Variants in CCDC38 observed in about 807,000 individuals in gnomAD.
The protein encoded by CCDC38 is coiled-coil domain-containing protein 38.
CCDC38 carries 69 observed loss-of-function variants against 72.8 expected under a neutral mutation model. The ratio of observed to expected loss-of-function variants is 0.95; its 90% CI spans 0.78 to 1.16. The LOEUF (loss-of-function observed/expected upper bound fraction) is 1.16, where lower values mean the gene tolerates loss of function less well. Among genes scored for constraint, CCDC38 ranks in the 50% most tolerant of loss-of-function variants. CCDC38 has a pLI of 0.00. For synonymous variants in CCDC38, 201 were observed against 213.2 expected, an observed-to-expected ratio of 0.94 and a Z score of 0.50; for missense variants, 626 against 638.9, an observed-to-expected ratio of 0.98 and a Z score of 0.22.
intron 2 of CCDC38, among the ~76,000 whole-genome samples, chr12:95,930,937 C>T (rs771891255): frequency 2.7e-5 from 4 of 150,712 alleles, no homozygotes; most frequent in Non-Finnish European, 5.9e-5. Context: ...TTATATTCTT[C>T]TCTAAGCTGC....
Position 95,917,531 on chromosome 12 carries a change from C to T in CCDC38, c.139-237G>A, listed in dbSNP as rs2080158818. On this transcript the variant is annotated intron_variant, in intron 3 of 15. Transcript: ENST00000344280. Reference sequence around the variant, plus strand: ...CAAATACAAGACTGGAAAATGTCCTCTCAGCTTCATTTTCACAATTTAGTC... The same window carrying T: ...CAAATACAAGACTGGAAAATGTCCTTTCAGCTTCATTTTCACAATTTAGTC... Among the ~76,000 whole-genome samples the T allele has an allele frequency of 2.6e-5, 4 of 152,234 alleles. No individual in the cohort carries two copies. In the South Asian group the frequency reaches 8.3e-4, roughly 32 times the overall value.
chr12:95,878,418 T>A, intron 12 of CCDC38, 72 bp from the exon 13 acceptor site: 1 of 1,442,370 alleles, frequency 6.9e-7, no homozygotes, highest in Non-Finnish European at 9.6e-7. Context: ...TCAGGAGCTT[T>A]AACACTCTAG....
intron 2 of CCDC38, among the ~76,000 whole-genome samples, chr12:95,925,024 C>T (rs534251952): frequency 0.055 from 8,102 of 147,852 alleles, 321 homozygotes; most frequent in South Asian, 0.18. Flanking sequence ...GCGATGCAGG[C>T]TCTTTTTTGG....
At chr12:95,876,864 C>T (rs1312131427) in intron 13 of CCDC38, among the ~76,000 whole-genome samples, 6 of 152,226 alleles carry the variant, frequency 3.9e-5, no homozygotes, top group African/African-American at 9.6e-5. Context: ...GTCTCACTAA[C>T]GCAAGCCTCC....
chr12:95,903,472 A>C (rs1227487406), intron 5 of CCDC38: 2 of 700,252 alleles, frequency 2.9e-6, no homozygotes, highest in Non-Finnish European at 5.2e-6. Context: ...TCCTAATCTT[A>C]GGGGGAAAGC....
At chr12:95,922,123 T>G (rs1181545689) in intron 2 of CCDC38, among the ~76,000 whole-genome samples, 6 of 151,982 alleles carry the variant, frequency 3.9e-5, no homozygotes, top group African/African-American at 1.5e-4. Flanking sequence ...GTGGCTGGGA[T>G]TATAGAAACT....
At chr12:95,871,571 C>T (rs1406418632) in intron 14 of CCDC38, among the ~76,000 whole-genome samples, 1 of 152,084 alleles carries the variant, frequency 6.6e-6, no homozygotes, top group Non-Finnish European at 1.5e-5. Flanking sequence ...GGCCATACCG[C>T]CCTCAATGCA....
chr12:95,867,145 G>A lies in CCDC38; in HGVS notation c.1623C>T (p.Asn541=), dbSNP rs138854457. The A allele has an allele frequency of 5.0e-6, 8 of 1,608,876 alleles. No homozygotes were observed. Among genetic ancestry groups the A allele is most frequent in the Non-Finnish European group, 6.8e-6 (8 of 1,177,248 alleles). Residue 541 remains asparagine (N), a synonymous_variant, in exon 16 of 16, where the codon AAC becomes AAT. Coordinates refer to ENST00000344280, the MANE Select transcript of CCDC38 (RefSeq NM_182496.3). ...LVFHSKPPSG[N]KQQLPLVNET... ...CATTGACTAAAGGTAGCTGCTGTTT[G>A]TTACCAGATGGAGGTTTTGAATGAA...
At chr12:95,921,232 C>T (rs973358046) in intron 2 of CCDC38, among the ~76,000 whole-genome samples, 1 of 152,150 alleles carries the variant, frequency 6.6e-6, no homozygotes, top group Non-Finnish European at 1.5e-5. Context: ...AAAACTTTCT[C>T]TCTCTTTATT....
intron 2 of CCDC38, among the ~76,000 whole-genome samples, chr12:95,922,161 G>A (rs1484533166): frequency 6.6e-6 from 1 of 152,182 alleles, no homozygotes; most frequent in Non-Finnish European, 1.5e-5. Flanking sequence ...TAAGTCATGA[G>A]TTAGAGAGAA....
intron 2 of CCDC38, among the ~76,000 whole-genome samples, chr12:95,925,616 T>G (rs148419896): frequency 0.055 from 8,405 of 152,146 alleles, 359 homozygotes; most frequent in South Asian, 0.19. Context: ...CCTGTCTTGT[T>G]CCAGTTTTCA....
At chr12:95,897,407 G>A (rs973725523) in intron 7 of CCDC38, among the ~76,000 whole-genome samples, 1 of 151,962 alleles carries the variant, frequency 6.6e-6, no homozygotes, top group African/African-American at 2.4e-5. Context: ...TCAGGAGTTT[G>A]AGACTAGCTT....
intron 4 of CCDC38, among the ~76,000 whole-genome samples, chr12:95,913,723 A>G (rs867586970): frequency 2.6e-5 from 4 of 152,216 alleles, no homozygotes; most frequent in Admixed American, 6.5e-5. Flanking sequence ...GTTACTGGCT[A>G]TTATTTAAAC....
rs377535775 is a variant in CCDC38, at chr12:95,906,383, C to G, written c.369+4G>C. The G allele has an allele frequency of 5.0e-6, 8 of 1,603,940 alleles. No individual in the cohort carries two copies. Among genetic ancestry groups the G allele is most frequent in the African/African-American group, 2.7e-5 (2 of 74,588 alleles). On this transcript the variant is annotated splice_donor_region_variant and intron_variant, in intron 5 of 15. Transcript: ENST00000344280. The stretch of plus-strand genomic sequence containing the variant: ...GGCTAGGGGAGAAAAGTTATTTTTA[C>G]TACCTCGAGCAGAAACCTGTCTCTC...
chr12:95,938,649 T>C (rs183133536), intron 1 of CCDC38, among the ~76,000 whole-genome samples: 1 of 152,334 alleles, frequency 6.6e-6, no homozygotes, highest in East Asian at 1.9e-4. Flanking sequence ...TATACTTCCA[T>C]ATGCATGAAT....
chr12:95,898,826 A>C, intron 5 of CCDC38, 95 bp from the exon 6 acceptor site: 1 of 1,216,004 alleles, frequency 8.2e-7, no homozygotes, highest in South Asian at 1.5e-5. Context: ...TTGTATTAGA[A>C]ATAATAGTAC....
At chr12:95,918,171 C>T (rs2080166720) in intron 3 of CCDC38, among the ~76,000 whole-genome samples, 2 of 152,244 alleles carry the variant, frequency 1.3e-5, no homozygotes, top group African/African-American at 2.4e-5. Context: ...GTGAACCAGG[C>T]GATGTAGGTG....
chr12:95,942,573 T>TGAC lies in CCDC38; in HGVS notation c.-158_-157insGTC, dbSNP rs1428687661. ...GTTCCCGGTCATCTCAGGGACCGTC[T>TGAC]GGTAGCTGATCCCGGAACGCAGCTG... On this transcript the variant is annotated 5_prime_UTR_variant, in exon 1 of 16. Coordinates refer to ENST00000344280, the MANE Select transcript of CCDC38 (RefSeq NM_182496.3). 1.3e-5 allele frequency: 2 copies of TGAC among 152,332 alleles called. No individual in the cohort carries two copies. The highest frequency in any genetic ancestry group is 2.9e-5 in the Non-Finnish European group (2 of 68,156). The allele number at this position is 152,332 out of a possible 1,614,324, so 9.4% of individuals were successfully genotyped here. A position where few individuals can be genotyped will look rare whatever the true frequency, so the allele number is the denominator to read the frequency against.
intron 4 of CCDC38, among the ~76,000 whole-genome samples, chr12:95,911,706 CA>C (rs1166471750): frequency 1.3e-5 from 2 of 152,040 alleles, no homozygotes; most frequent in African/African-American, 4.8e-5. Context: ...ATTAAAAAGT[CA>C]AAAAATAACA....
Sources: gnomAD v4.1 joint callset for allele counts (sites outside exome capture counted in the v4.1 genomes callset) on GRCh38, gnomAD v4.1.1 for gene constraint, MANE v1.5 for transcripts, NCBI Gene and HGNC (gene_info 2026-07-23, HGNC 2026-07-21) for gene names.